The following CLEC4A variants were observed in gnomAD, a reference collection of about 807,000 sequenced individuals.
The protein encoded by CLEC4A is C-type (calcium dependent, carbohydrate-recognition domain) lectin, superfamily member 6.
A neutral mutation model predicts 32.7 loss-of-function variants in CLEC4A; 27 were observed. The ratio of observed to expected loss-of-function variants is 0.83; its 90% CI spans 0.61 to 1.14. The LOEUF (loss-of-function observed/expected upper bound fraction) is 1.14. Ranked by LOEUF, CLEC4A falls within the 50% of genes most tolerant of loss-of-function variation. The probability of loss-of-function intolerance (pLI) is 0.00; values close to 1 mark genes in which losing one functional copy is unlikely to be tolerated. For synonymous variants in CLEC4A, 89 were observed against 93.7 expected, an observed-to-expected ratio of 0.95 and a Z score of 0.29; for missense variants, 253 against 274.6, an observed-to-expected ratio of 0.92 and a Z score of 0.55.
rs1948161468 is a variant in CLEC4A at position 8,138,254 on chromosome 12, G to A, written c.681G>A (p.Arg227=). 1.2e-6 allele frequency: 2 copies of A among 1,613,990 alleles called. No individual in the cohort carries two copies. The highest frequency in any genetic ancestry group is 8.5e-7 in the Non-Finnish European group (1 of 1,180,024). The part of the protein sequence containing the change: ...WNDVNCLGPQ[R]SVCEMMKIHL The stretch of plus-strand genomic sequence containing the variant: ...ATGTTAATTGTCTTGGTCCTCAAAG[G>A]TCAGTTTGTGAGATGATGAAGATCC... Residue 227 remains arginine, a synonymous_variant, in exon 6 of 6, where the codon AGG becomes AGA. Transcript: ENST00000229332.
chr12:8,105,512 GCT>G, the CLEC4A span, among the ~76,000 whole-genome samples: 12 of 152,066 alleles, frequency 7.9e-5, no homozygotes, highest in South Asian at 2.5e-3. Flanking sequence ...ACCACGGCTG[GCT>G]AAGTTTTTTG....
intron 3 of CLEC4A, among the ~76,000 whole-genome samples, chr12:8,135,045 A>ATTTTTTTTTT (rs1565406500): frequency 4.0e-4 from 2 of 4,964 alleles, no homozygotes; most frequent in Non-Finnish European, 4.8e-4. Context: ...CAATTTTATT[A>ATTTTTTTTTT]TCTTTTTTTT....
At chr12:8,134,222 G>C in intron 3 of CLEC4A, 1 of 1,611,656 alleles carries the variant, frequency 6.2e-7, no homozygotes, top group Admixed American at 1.7e-5. Context: ...ATTGTTGTCA[G>C]CTTCCTCCAC....
rs142793187 is a variant in CLEC4A at position 8,128,991 on chromosome 12, T to G, written c.200-273T>G. 9.9e-3 allele frequency among the ~76,000 whole-genome samples: 1,495 copies of G among 150,280 alleles called. 54 individuals carry two copies. The highest frequency in any genetic ancestry group is 0.073 in the Admixed American group (1,098 of 15,126). ...CCCTGCATCCCCCCACCCCCAAGAGTTAGCCTTTGCATGCATCTTATATTA... is the reference window on the plus strand; with the variant it reads ...CCCTGCATCCCCCCACCCCCAAGAGGTAGCCTTTGCATGCATCTTATATTA... On this transcript the variant is annotated intron_variant, in intron 2 of 5. Transcript: ENST00000229332.
intron 3 of CLEC4A, chr12:8,134,988 T>TTTTTTTTTTTTC: frequency 3.8e-6 from 1 of 261,756 alleles, no homozygotes; most frequent in Non-Finnish European, 6.1e-6. Context: ...TGTTTTTTGT[T>TTTTTTTTTTTTC]TTTTTTTAAT....
chr12:8,128,488 G>A (rs1042945266), intron 2 of CLEC4A, among the ~76,000 whole-genome samples: 7 of 149,910 alleles, frequency 4.7e-5, no homozygotes, highest in East Asian at 2.0e-4. Flanking sequence ...TCAGCTCACC[G>A]CAACCTCCGC....
chr12:8,120,014 G>C (rs1478482044), upstream of CLEC4A, among the ~76,000 whole-genome samples: 2 of 152,342 alleles, frequency 1.3e-5, no homozygotes, highest in East Asian at 3.9e-4. Context: ...CAGAGGGAGA[G>C]ATGCATGGGG....
At chr12:8,103,061 T>A in the CLEC4A span, among the ~76,000 whole-genome samples, 2 of 152,164 alleles carry the variant, frequency 1.3e-5, no homozygotes. Context: ...CCCTTAATTA[T>A]ATTTGATACT....
chr12:8,103,882 TG>T, the CLEC4A span, among the ~76,000 whole-genome samples: 68 of 152,056 alleles, frequency 4.5e-4, no homozygotes, highest in Non-Finnish European at 8.1e-4. Context: ...GGGCAAGGGG[TG>T]GGGAGTGTTG....
At chr12:8,135,524 TACAC>T (rs1390931982) in intron 3 of CLEC4A, 57 bp from the exon 4 acceptor site, 1 of 1,551,096 alleles carries the variant, frequency 6.4e-7, no homozygotes, top group Non-Finnish European at 8.8e-7. Flanking sequence ...ATTTTAATAA[TACAC>T]ACACTTTTAA....
the CLEC4A span, among the ~76,000 whole-genome samples, chr12:8,106,569 C>T: frequency 6.6e-6 from 1 of 152,160 alleles, no homozygotes; most frequent in Non-Finnish European, 1.5e-5. Flanking sequence ...TTTCTTTGAG[C>T]AGTGTTTTGT....
the CLEC4A span, among the ~76,000 whole-genome samples, chr12:8,112,733 T>C: frequency 3.9e-5 from 6 of 152,180 alleles, no homozygotes; most frequent in Non-Finnish European, 8.8e-5. Context: ...CTCAGGGTTA[T>C]TATCAGATTG....
chr12:8,127,932 A>ATG (rs1310294481), intron 2 of CLEC4A, among the ~76,000 whole-genome samples: 1 of 152,190 alleles, frequency 6.6e-6, no homozygotes, highest in African/African-American at 2.4e-5. Context: ...TGAGTTTTAT[A>ATG]TGGCTGTGAG....
the CLEC4A span, among the ~76,000 whole-genome samples, chr12:8,105,582 C>A: frequency 6.6e-6 from 1 of 152,104 alleles, no homozygotes; most frequent in East Asian, 1.9e-4. Context: ...AAACTCCCGA[C>A]CTCATGATCC....
At chr12:8,112,962 A>AT in the CLEC4A span, among the ~76,000 whole-genome samples, 38 of 151,490 alleles carry the variant, frequency 2.5e-4, no homozygotes, top group East Asian at 2.1e-3. Context: ...TCCATTGTCC[A>AT]TTTTTTTTTA....
chr12:8,138,042 A>G (rs1457207212), intron 5 of CLEC4A, 98 bp from the exon 6 acceptor site: 31 of 1,335,208 alleles, frequency 2.3e-5, no homozygotes, highest in Admixed American at 7.2e-5. Flanking sequence ...ATCTGACCCT[A>G]TGTTCCATGA....
At chr12:8,103,373 G>GTTTTTTTTTTTTTTTTTTTT in the CLEC4A span, among the ~76,000 whole-genome samples, 57 of 78,014 alleles carry the variant, frequency 7.3e-4, 8 homozygotes, top group African/African-American at 1.2e-3. Context: ...GTTTCTTTCT[G>GTTTTTTTTTTTTTTTTTTTT]TTGTTTTTTT....
chr12:8,111,824 C>T, the CLEC4A span, among the ~76,000 whole-genome samples: 1 of 151,124 alleles, frequency 6.6e-6, no homozygotes, highest in African/African-American at 2.4e-5. Flanking sequence ...CAGAAATGGA[C>T]TTGGTGGGTG....
upstream of CLEC4A, among the ~76,000 whole-genome samples, chr12:8,120,441 C>T (rs1947822219): frequency 6.6e-6 from 1 of 152,122 alleles, no homozygotes; most frequent in South Asian, 2.1e-4. Context: ...TTAAAGGCTA[C>T]CTCCAGGAAG....
Sources: allele counts gnomAD v4.1 joint callset (sites outside exome capture counted in the v4.1 genomes callset), GRCh38; gene constraint gnomAD v4.1.1; transcripts MANE v1.5; gene names NCBI Gene and HGNC (gene_info 2026-07-23, HGNC 2026-07-21).